The following NAALADL2 variants were observed in gnomAD, a reference collection of about 807,000 sequenced individuals.
NAALADL2 encodes inactive N-acetylated-alpha-linked acidic dipeptidase-like protein 2.
A neutral mutation model predicts 87.2 loss-of-function variants in NAALADL2; 76 were observed. That is an observed-to-expected ratio of 0.87 (90% CI 0.72 to 1.05). The LOEUF (loss-of-function observed/expected upper bound fraction) is 1.05, where lower values mean the gene tolerates loss of function less well. Among genes scored for constraint, NAALADL2 ranks in the 50% least tolerant of loss-of-function variants. The pLI, the probability that NAALADL2 is intolerant of heterozygous loss-of-function variation, is 0.00. For missense variants in NAALADL2, 1,089 were observed against 945.8 expected (o/e 1.15, Z -1.99); for synonymous variants, 354 against 331.0 (o/e 1.07, Z -0.75).
intron 4 of NAALADL2, among the ~76,000 whole-genome samples, chr3:175,292,300 C>T (rs1755731018): frequency 6.6e-6 from 1 of 152,178 alleles, no homozygotes; most frequent in Non-Finnish European, 1.5e-5. Context: ...GCCCACTTGC[C>T]TAAAGTCTTC....
chr3:175,323,159 T>TA (rs1760151062), intron 4 of NAALADL2, among the ~76,000 whole-genome samples: 2 of 148,732 alleles, frequency 1.3e-5, no homozygotes, highest in Admixed American at 1.3e-4. Flanking sequence ...TATGCAGCCA[T>TA]AAAAAATGAT....
chr3:174,865,694 TAAG>T (rs1727059254), intron 1 of NAALADL2, among the ~76,000 whole-genome samples: 2 of 151,844 alleles, frequency 1.3e-5, no homozygotes, highest in Admixed American at 1.3e-4. Context: ...GGGATGTAAA[TAAG>T]AAATTATAGA....
At chr3:175,238,997 A>G (rs943177964) in intron 3 of NAALADL2, among the ~76,000 whole-genome samples, 4 of 152,174 alleles carry the variant, frequency 2.6e-5, no homozygotes, top group South Asian at 2.1e-4. Flanking sequence ...TCCATTCATC[A>G]TAGGACCGTT....
At chr3:174,756,294 A>G (rs767412364) in intron 3 of NAALADL2, among the ~76,000 whole-genome samples, 6 of 152,236 alleles carry the variant, frequency 3.9e-5, no homozygotes, top group Non-Finnish European at 7.3e-5. Context: ...TTAACCAACC[A>G]GTATTCAGTA....
chr3:175,186,034 G>C (rs1327093199), intron 2 of NAALADL2, among the ~76,000 whole-genome samples: 1 of 151,906 alleles, frequency 6.6e-6, no homozygotes, highest in Non-Finnish European at 1.5e-5. Flanking sequence ...ACCTAACTTT[G>C]TATTTCTTCC....
intron 2 of NAALADL2, among the ~76,000 whole-genome samples, chr3:174,671,232 C>T (rs1726503485): frequency 6.6e-6 from 1 of 152,038 alleles, no homozygotes; most frequent in Non-Finnish European, 1.5e-5. Flanking sequence ...TGTTTATATA[C>T]TGTTAATGAA....
At chr3:175,465,061 A>T (rs1723762781) in intron 7 of NAALADL2, among the ~76,000 whole-genome samples, 1 of 152,066 alleles carries the variant, frequency 6.6e-6, no homozygotes, top group Admixed American at 6.6e-5. Flanking sequence ...AGAGTTTCTC[A>T]AATTTTGCTT....
At position 174,575,132 on chromosome 3, in the gene NAALADL2, A is replaced by T. The variant is rs556100384; in HGVS notation, c.-115+24495A>T. ...ATTGTACCATTTTGGTTAATTTTTT[A>T]AAAAAAATTTAAATAATTTGGTATT... is the stretch of plus-strand genomic sequence containing the variant. On this transcript the variant is annotated intron_variant, in intron 2 of 3. Transcript: ENST00000434257. Among the ~76,000 whole-genome samples, 376 of 152,106 alleles carry T rather than the reference A, an allele frequency of 2.5e-3. 3 individuals are homozygous for T. Among genetic ancestry groups the T allele is most frequent in the South Asian group, 0.019 (93 of 4,822 alleles).
chr3:175,398,350 T>TTTC (rs1560489390), intron 5 of NAALADL2, among the ~76,000 whole-genome samples: 7 of 131,574 alleles, frequency 5.3e-5, no homozygotes, highest in African/African-American at 1.6e-4. Flanking sequence ...GCTACTTTTT[T>TTTC]TTTTTTTTTT....
At position 174,457,089 on chromosome 3, in the gene NAALADL2, A is replaced by G. The variant is rs562124094; in HGVS notation, c.-184+16057A>G. Among the ~76,000 whole-genome samples, 3 of 152,308 alleles carry G rather than the reference A, an allele frequency of 2.0e-5. No individual in the cohort carries two copies. The South Asian group carries it at 6.2e-4, about 32-fold the overall frequency. The stretch of plus-strand genomic sequence containing the variant: ...AAAGATAGGATACATATGGTCAATA[A>G]GAATATGAAAAAAAGCTCAACATCT... On this transcript the variant is annotated intron_variant, in intron 1 of 3. Coordinates refer to the NAALADL2 transcript ENST00000434257.
At chr3:174,939,847 A>T (rs1267954881) in intron 1 of NAALADL2, among the ~76,000 whole-genome samples, 4 of 151,996 alleles carry the variant, frequency 2.6e-5, no homozygotes, top group African/African-American at 9.7e-5. Flanking sequence ...ATTTTTGTAC[A>T]TTGATTTGGT....
chr3:175,077,716 A>C (rs529424059), intron 1 of NAALADL2, among the ~76,000 whole-genome samples: 1 of 152,130 alleles, frequency 6.6e-6, no homozygotes, highest in Non-Finnish European at 1.5e-5. Context: ...CTGCTCTTTT[A>C]AAAAAATTGC....
intron 1 of NAALADL2, chr3:174,523,671 T>C (rs1515592): frequency 0.26 from 39,789 of 152,050 alleles, 5,414 homozygotes; most frequent in Middle Eastern, 0.32. Flanking sequence ...AAATTTGCTG[T>C]CTGCTGGAAT....
intron 13 of NAALADL2, among the ~76,000 whole-genome samples, chr3:175,776,836 T>C (rs1750312745): frequency 6.6e-6 from 1 of 152,144 alleles, no homozygotes; most frequent in Admixed American, 6.5e-5. Flanking sequence ...TCTTTATTTT[T>C]ATATTTTTGC....
At chr3:175,787,506 C>G (rs11927820) in intron 13 of NAALADL2, among the ~76,000 whole-genome samples, 5,367 of 152,238 alleles carry the variant, frequency 0.035, 276 homozygotes, top group African/African-American at 0.12. Flanking sequence ...TTCTTTGACT[C>G]GGAAAGGGAA....
At chr3:175,624,754 G>A (rs1582671388) in intron 10 of NAALADL2, among the ~76,000 whole-genome samples, 1 of 152,094 alleles carries the variant, frequency 6.6e-6, no homozygotes, top group South Asian at 2.1e-4. Flanking sequence ...TCAAATGGAT[G>A]TATTTTATTG....
intron 1 of NAALADL2, among the ~76,000 whole-genome samples, chr3:174,529,208 C>T (rs1244788644): frequency 1.3e-5 from 2 of 152,324 alleles, no homozygotes; most frequent in South Asian, 2.1e-4. Context: ...AACAGAGGGG[C>T]TACAGGCCCC....
intron 1 of NAALADL2, among the ~76,000 whole-genome samples, chr3:174,920,262 T>C (rs1336799211): frequency 6.6e-6 from 1 of 152,222 alleles, no homozygotes; most frequent in Non-Finnish European, 1.5e-5. Flanking sequence ...AAGTCCTAGA[T>C]GTCATCTTCT....
intron 4 of NAALADL2, among the ~76,000 whole-genome samples, chr3:175,312,580 G>T (rs187795737): frequency 2.2e-4 from 34 of 152,146 alleles, no homozygotes; most frequent in Non-Finnish European, 4.0e-4. Flanking sequence ...CAGTCTGTTT[G>T]TAAAGGATGG....
Sources: allele counts gnomAD v4.1 joint callset (sites outside exome capture counted in the v4.1 genomes callset), GRCh38; gene constraint gnomAD v4.1.1; transcripts MANE v1.5; gene names NCBI Gene and HGNC (gene_info 2026-07-23, HGNC 2026-07-21).